OXR1: variants seen among roughly 807,000 people sequenced by gnomAD.
OXR1 encodes oxidation resistance 1.
OXR1 carries 41 observed loss-of-function variants against 104.6 expected under a neutral mutation model. That is an observed-to-expected ratio of 0.39 (90% CI 0.31 to 0.51). The LOEUF (loss-of-function observed/expected upper bound fraction) is 0.51. Among genes scored for constraint, OXR1 ranks in the 20% least tolerant of loss-of-function variants. The probability of loss-of-function intolerance (pLI) is 0.77; values close to 1 mark genes in which losing one functional copy is unlikely to be tolerated. For synonymous variants in OXR1, 348 were observed against 348.4 expected, an observed-to-expected ratio of 1.00 and a Z score of 0.01; for missense variants, 955 against 1,031.9, an observed-to-expected ratio of 0.93 and a Z score of 1.02.
At chr8:106,515,582 G>C (rs763345544) in intron 2 of OXR1, among the ~76,000 whole-genome samples, 7 of 151,876 alleles carry the variant, frequency 4.6e-5, no homozygotes, top group Admixed American at 3.9e-4. Flanking sequence ...TGTGTTCCAG[G>C]TTCATTCATG....
intron 2 of OXR1, among the ~76,000 whole-genome samples, chr8:106,421,102 G>T (rs1353985840): frequency 6.6e-6 from 1 of 151,914 alleles, no homozygotes; most frequent in Non-Finnish European, 1.5e-5. Flanking sequence ...TTCCAAAATA[G>T]AATTATTAAG....
At chr8:106,273,048 T>C (rs1811881564) in intron 1 of OXR1, 1 of 152,122 alleles carries the variant, frequency 6.6e-6, no homozygotes, top group Non-Finnish European at 1.5e-5. Context: ...CTAAATTTAA[T>C]GTGAGATGAG....
intron 7 of OXR1, among the ~76,000 whole-genome samples, chr8:106,700,396 T>C (rs1830481099): frequency 6.6e-6 from 1 of 152,200 alleles, no homozygotes; most frequent in Non-Finnish European, 1.5e-5. Flanking sequence ...AACTCTTGAT[T>C]TATGGAGAAT....
intron 9 of OXR1, among the ~76,000 whole-genome samples, chr8:106,709,214 G>A (rs35499727): frequency 0.12 from 18,675 of 151,962 alleles, 1,435 homozygotes; most frequent in East Asian, 0.33. Context: ...AAAATCATAT[G>A]TGTTAATTTG....
intron 7 of OXR1, chr8:106,697,970 G>C: frequency 6.2e-7 from 1 of 1,612,880 alleles, no homozygotes; most frequent in Non-Finnish European, 8.5e-7. Context: ...ATCTTCTGCT[G>C]CACCTCCTGG....
intron 2 of OXR1, among the ~76,000 whole-genome samples, chr8:106,365,742 T>C (rs2130358610): frequency 6.6e-6 from 1 of 152,326 alleles, no homozygotes; most frequent in East Asian, 1.9e-4. Flanking sequence ...TTTTAAAAAT[T>C]AGACATTTAT....
chr8:106,405,418 T>C (rs1301723379), intron 2 of OXR1, among the ~76,000 whole-genome samples: 1 of 151,992 alleles, frequency 6.6e-6, no homozygotes, highest in Non-Finnish European at 1.5e-5. Context: ...CTCCTTTCTT[T>C]ATCTCTTCTG....
At chr8:106,299,461 T>G (rs1219561784) in intron 1 of OXR1, among the ~76,000 whole-genome samples, 1 of 151,804 alleles carries the variant, frequency 6.6e-6, no homozygotes, top group Non-Finnish European at 1.5e-5. Context: ...TTGGAGAGAG[T>G]ATTGGTGGGT....
At chr8:106,326,031 C>T (rs1267993416) in intron 1 of OXR1, among the ~76,000 whole-genome samples, 1 of 151,866 alleles carries the variant, frequency 6.6e-6, no homozygotes, top group Non-Finnish European at 1.5e-5. Flanking sequence ...GATCTTTTAC[C>T]CTAGATACCA....
At chr8:106,353,137 A>G (rs1214901368) in intron 1 of OXR1, among the ~76,000 whole-genome samples, 3 of 152,168 alleles carry the variant, frequency 2.0e-5, no homozygotes, top group Non-Finnish European at 4.4e-5. Flanking sequence ...ATCTGACGTC[A>G]GAAATTCGAG....
intron 2 of OXR1, among the ~76,000 whole-genome samples, chr8:106,468,411 C>T (rs572748140): frequency 6.6e-6 from 1 of 151,794 alleles, no homozygotes; most frequent in South Asian, 2.1e-4. Flanking sequence ...ACTACATCCA[C>T]ACACACACAC....
At chr8:106,516,634 A>G (rs1448256753) in intron 2 of OXR1, among the ~76,000 whole-genome samples, 1 of 152,158 alleles carries the variant, frequency 6.6e-6, no homozygotes, top group Middle Eastern at 3.2e-3. Flanking sequence ...CACTCTATTT[A>G]TTTTTATTAC....
chr8:106,602,253 T>C (rs1382494563), intron 3 of OXR1, among the ~76,000 whole-genome samples: 2 of 152,154 alleles, frequency 1.3e-5, no homozygotes, highest in Non-Finnish European at 2.9e-5. Context: ...TGCACAGCAA[T>C]AGCAAACTCA....
chr8:106,545,755 TG>T (rs1815305840), intron 3 of OXR1, among the ~76,000 whole-genome samples: 1 of 152,176 alleles, frequency 6.6e-6, no homozygotes, highest in South Asian at 2.1e-4. Context: ...CCCAGCACTT[TG>T]GGAGACTGAG....
chr8:106,585,831 A>G (rs188690609), intron 3 of OXR1, among the ~76,000 whole-genome samples: 21 of 152,270 alleles, frequency 1.4e-4, no homozygotes, highest in Admixed American at 3.3e-4. Flanking sequence ...AAGAAGCAGG[A>G]AAGTAAGGCC....
At chr8:106,380,279 G>A (rs367705853) in intron 2 of OXR1, among the ~76,000 whole-genome samples, 8 of 151,632 alleles carry the variant, frequency 5.3e-5, no homozygotes, top group South Asian at 4.2e-4. Context: ...AGATTTATAC[G>A]TGTCATAAAA....
intron 2 of OXR1, among the ~76,000 whole-genome samples, chr8:106,417,881 T>C (rs1818743099): frequency 6.6e-6 from 1 of 152,150 alleles, no homozygotes; most frequent in African/African-American, 2.4e-5. Flanking sequence ...GCAAGGAAAG[T>C]GCAGTATCCT....
At chr8:106,695,620 A>G (rs1342964403) in intron 7 of OXR1, among the ~76,000 whole-genome samples, 2 of 151,870 alleles carry the variant, frequency 1.3e-5, no homozygotes, top group African/African-American at 4.8e-5. Flanking sequence ...GGGTTTTACC[A>G]TGTTGGCCAG....
chr8:106,464,825 G>A (rs903752266), intron 2 of OXR1, among the ~76,000 whole-genome samples: 2 of 152,028 alleles, frequency 1.3e-5, no homozygotes, highest in Non-Finnish European at 2.9e-5. Context: ...ACCATGGACT[G>A]TCATCTCTTA....
Sources: allele counts gnomAD v4.1 joint callset (sites outside exome capture counted in the v4.1 genomes callset), GRCh38; gene constraint gnomAD v4.1.1; transcripts MANE v1.5; gene names NCBI Gene and HGNC (gene_info 2026-07-23, HGNC 2026-07-21).